SAMD12: variants seen among roughly 807,000 people sequenced by gnomAD.
SAMD12 encodes the protein sterile alpha motif domain-containing protein 12.
A neutral mutation model predicts 15.0 loss-of-function variants in SAMD12; 9 were observed. The observed-to-expected ratio is 0.60, with a 90% CI of 0.36 to 1.05. The LOEUF (loss-of-function observed/expected upper bound fraction) is 1.05, where lower values mean the gene tolerates loss of function less well. Ranked by LOEUF, SAMD12 falls within the 50% of genes least tolerant of loss-of-function variation. The pLI is 0.01. For missense variants in SAMD12, 230 were observed against 234.2 expected, an observed-to-expected ratio of 0.98 and a Z score of 0.12; for synonymous variants, 86 against 90.1, an observed-to-expected ratio of 0.96 and a Z score of 0.25.
chr8:118,240,505 C>T (rs182617326), intron 4 of SAMD12, among the ~76,000 whole-genome samples: 168 of 152,216 alleles, frequency 1.1e-3, no homozygotes, highest in African/African-American at 3.9e-3. Flanking sequence ...CAACTCATTC[C>T]ACATCTCTAA....
intron 4 of SAMD12, among the ~76,000 whole-genome samples, chr8:118,342,729 A>G (rs913934803): frequency 1.3e-5 from 2 of 152,248 alleles, no homozygotes; most frequent in Admixed American, 6.5e-5. Flanking sequence ...TCACCTTCTG[A>G]CTCAGAAGAA....
intron 2 of SAMD12, among the ~76,000 whole-genome samples, chr8:118,483,419 T>G (rs1034906791): frequency 6.6e-6 from 1 of 152,208 alleles, no homozygotes; most frequent in Non-Finnish European, 1.5e-5. Flanking sequence ...TTGCCCTGCT[T>G]GTGTCATCTA....
chr8:118,515,978 C>T (rs535617895), intron 2 of SAMD12, among the ~76,000 whole-genome samples: 108 of 152,352 alleles, frequency 7.1e-4, no homozygotes, highest in Non-Finnish European at 9.0e-4. Flanking sequence ...AGAGGACTAG[C>T]AGTTCCAAAT....
At chr8:118,362,478 T>C (rs900304234) in intron 4 of SAMD12, among the ~76,000 whole-genome samples, 2 of 152,190 alleles carry the variant, frequency 1.3e-5, no homozygotes, top group Non-Finnish European at 2.9e-5. Context: ...TGCACACATA[T>C]GTAGTTTACA....
chr8:118,402,757 G>A (rs548735760), intron 3 of SAMD12, among the ~76,000 whole-genome samples: 2 of 152,312 alleles, frequency 1.3e-5, no homozygotes, highest in South Asian at 2.1e-4. Context: ...AAGAACAGAC[G>A]CTGGCATTCA....
intron 4 of SAMD12, among the ~76,000 whole-genome samples, chr8:118,351,699 T>TGA (rs1817973548): frequency 6.6e-6 from 1 of 152,122 alleles, no homozygotes; most frequent in Non-Finnish European, 1.5e-5. Flanking sequence ...AGAGAGAACT[T>TGA]GAGAGAGTTC....
At chr8:118,524,136 T>A (rs1825468700) in intron 2 of SAMD12, among the ~76,000 whole-genome samples, 1 of 152,058 alleles carries the variant, frequency 6.6e-6, no homozygotes. Flanking sequence ...ACTTGGAAAG[T>A]GTTGTTCTTG....
intron 4 of SAMD12, among the ~76,000 whole-genome samples, chr8:118,312,459 T>C (rs12155712): frequency 0.31 from 47,028 of 152,114 alleles, 8,144 homozygotes; most frequent in African/African-American, 0.47. Flanking sequence ...ATCTCATGAA[T>C]ATTTACAGGG....
intron 4 of SAMD12, among the ~76,000 whole-genome samples, chr8:118,260,317 A>T (rs945481146): frequency 2.0e-5 from 3 of 152,036 alleles, no homozygotes; most frequent in Admixed American, 2.0e-4. Context: ...AAAAACTCAT[A>T]CTCATCTTTT....
chr8:118,403,399 A>G (rs548401407), intron 3 of SAMD12, among the ~76,000 whole-genome samples: 4 of 152,146 alleles, frequency 2.6e-5, no homozygotes, highest in African/African-American at 9.6e-5. Flanking sequence ...CAGAGTGGGT[A>G]AGAGTAGGAT....
rs555563368 is a variant in SAMD12, at chr8:118,229,911, T to C, written c.434-32179A>G. ...TTATTGCATCAGAGGCTTCAACCCT[T>C]ATGAGTTCTGGGGTGCAGAAATACA... On this transcript the variant is annotated intron_variant, in intron 4 of 4. Coordinates refer to the SAMD12 transcript ENST00000409003. Among the ~76,000 whole-genome samples, 9 of 152,178 alleles carry C rather than the reference T, an allele frequency of 5.9e-5. No homozygotes were observed. The East Asian group carries it at 1.7e-3, about 29-fold the overall frequency.
At chr8:118,182,265 A>T in the SAMD12 span, among the ~76,000 whole-genome samples, 1 of 152,176 alleles carries the variant, frequency 6.6e-6, no homozygotes, top group Non-Finnish European at 1.5e-5. Flanking sequence ...GAGAAGACTG[A>T]GCTTATATTC....
chr8:118,280,858 A>G (rs755666653), intron 4 of SAMD12, among the ~76,000 whole-genome samples: 2 of 152,166 alleles, frequency 1.3e-5, no homozygotes, highest in Non-Finnish European at 2.9e-5. Flanking sequence ...TACGTCAGCC[A>G]CCTGCATGGG....
chr8:118,616,730 C>T (rs1054060169), intron 1 of SAMD12, among the ~76,000 whole-genome samples: 1 of 152,198 alleles, frequency 6.6e-6, no homozygotes, highest in African/African-American at 2.4e-5. Context: ...GGTCCCCAAC[C>T]CCTGGGTTGT....
At chr8:118,470,941 A>G (rs1823774833) in intron 2 of SAMD12, among the ~76,000 whole-genome samples, 1 of 152,244 alleles carries the variant, frequency 6.6e-6, no homozygotes, top group African/African-American at 2.4e-5. Context: ...TAAGACAGAA[A>G]AAGAATGATG....
intron 3 of SAMD12, among the ~76,000 whole-genome samples, chr8:118,388,580 T>C (rs1470040244): frequency 6.6e-6 from 1 of 152,122 alleles, no homozygotes; most frequent in African/African-American, 2.4e-5. Flanking sequence ...GTAAGCTCCA[T>C]GAAAGCAGGG....
At chr8:118,187,999 A>C (rs139961199), downstream of SAMD12, among the ~76,000 whole-genome samples, 42 of 152,068 alleles carry the variant, frequency 2.8e-4, 1 homozygote, top group East Asian at 7.7e-3. Flanking sequence ...TAACTGCTCT[A>C]CCCTAAAAAG....
At chr8:118,357,782 G>A (rs928522087) in intron 4 of SAMD12, among the ~76,000 whole-genome samples, 10 of 152,112 alleles carry the variant, frequency 6.6e-5, no homozygotes, top group Non-Finnish European at 1.2e-4. Context: ...GCCTTTGCCT[G>A]TGTCCCAGCC....
chr8:118,236,869 T>C (rs796711250), intron 4 of SAMD12, among the ~76,000 whole-genome samples: 1 of 152,316 alleles, frequency 6.6e-6, no homozygotes, highest in African/African-American at 2.4e-5. Context: ...AAAGTCATGC[T>C]GCAAAAAGTT....
Sources: allele counts gnomAD v4.1 joint callset (sites outside exome capture counted in the v4.1 genomes callset), GRCh38; gene constraint gnomAD v4.1.1; transcripts MANE v1.5; gene names NCBI Gene and HGNC (gene_info 2026-07-23, HGNC 2026-07-21).